Variants in NTN1 observed in about 807,000 individuals in gnomAD.
The protein encoded by NTN1 is netrin 1.
Under a neutral mutation model 54.2 loss-of-function variants are expected in NTN1, and 11 were observed. The ratio of observed to expected loss-of-function variants is 0.20; its 90% CI spans 0.13 to 0.34. The LOEUF (loss-of-function observed/expected upper bound fraction) is 0.34, where lower values mean the gene tolerates loss of function less well. NTN1 is among the 10% of genes least tolerant of loss of function. The pLI, the probability that NTN1 is intolerant of heterozygous loss-of-function variation, is 1.00. For synonymous variants in NTN1, 371 were observed against 382.0 expected (o/e 0.97, Z 0.33); for missense variants, 740 against 893.1 (o/e 0.83, Z 2.18).
At chr17:9,029,247 T>G (rs537319656) in intron 2 of NTN1, among the ~76,000 whole-genome samples, 258 of 152,300 alleles carry the variant, frequency 1.7e-3, no homozygotes, top group Middle Eastern at 3.4e-3. Flanking sequence ...TTGTCCTAGG[T>G]GCTTTATATG....
intron 6 of NTN1, among the ~76,000 whole-genome samples, chr17:9,228,820 C>CTGTGTGTGTGTGTGTGTGTGTG (rs10641432): frequency 7.1e-6 from 1 of 141,310 alleles, no homozygotes; most frequent in African/African-American, 2.7e-5. Flanking sequence ...ATCTGTTCAG[C>CTGTGTGTGTGTGTGTGTGTGTG]TGTGTGTGTG....
chr17:9,224,211 C>T (rs902122435), intron 6 of NTN1, among the ~76,000 whole-genome samples: 12 of 152,134 alleles, frequency 7.9e-5, no homozygotes, highest in Non-Finnish European at 1.6e-4. Flanking sequence ...CAGGGGGCAC[C>T]TTGGCCCCTC....
chr17:9,209,425 C>G (rs1418569582), intron 5 of NTN1, among the ~76,000 whole-genome samples: 1 of 152,230 alleles, frequency 6.6e-6, no homozygotes, highest in Non-Finnish European at 1.5e-5. Flanking sequence ...CAGAGCGGAC[C>G]TGTCAGACTC....
At chr17:9,113,028 A>ATT (rs370674364) in intron 2 of NTN1, among the ~76,000 whole-genome samples, 12 of 143,408 alleles carry the variant, frequency 8.4e-5, no homozygotes, top group Non-Finnish European at 1.8e-4. Context: ...AATTTTTTTT[A>ATT]TTTTTATTTT....
chr17:9,100,416 G>T, intron 2 of NTN1, among the ~76,000 whole-genome samples: 1 of 152,092 alleles, frequency 6.6e-6, no homozygotes, highest in East Asian at 1.9e-4. Context: ...TTCTGCCTCA[G>T]CCTTCCGAGT....
intron 2 of NTN1, among the ~76,000 whole-genome samples, chr17:9,063,350 G>A (rs563143992): frequency 1.3e-5 from 2 of 152,152 alleles, no homozygotes; most frequent in African/African-American, 4.8e-5. Flanking sequence ...CACCCACCTC[G>A]GCCTCCCAAA....
At chr17:9,014,145 G>C in the NTN1 span, among the ~76,000 whole-genome samples, 1 of 152,120 alleles carries the variant, frequency 6.6e-6, no homozygotes, top group Non-Finnish European at 1.5e-5. Context: ...CTCCAGGAAC[G>C]CTTCCCACTA....
intron 3 of NTN1, chr17:9,177,840 C>T (rs781594121): frequency 6.6e-6 from 1 of 152,240 alleles, no homozygotes; most frequent in South Asian, 2.1e-4. Context: ...TCGAGAGAGA[C>T]AAACAACAGA....
chr17:9,040,601 A>G (rs1205407462), intron 2 of NTN1, among the ~76,000 whole-genome samples: 7 of 152,230 alleles, frequency 4.6e-5, no homozygotes, highest in African/African-American at 1.7e-4. Flanking sequence ...GTCTTACTGC[A>G]TTGGATAGAA....
At chr17:9,196,679 C>G (rs1027424231) in intron 5 of NTN1, among the ~76,000 whole-genome samples, 1 of 152,228 alleles carries the variant, frequency 6.6e-6, no homozygotes, top group Non-Finnish European at 1.5e-5. Context: ...CCTCCCCATT[C>G]CCCCCTCCAG....
At chr17:9,118,246 G>A (rs532496967) in intron 2 of NTN1, among the ~76,000 whole-genome samples, 250 of 152,288 alleles carry the variant, frequency 1.6e-3, no homozygotes, top group African/African-American at 5.3e-3. Context: ...CAGGCCGGGC[G>A]CGGTGGCTCA....
intron 2 of NTN1, among the ~76,000 whole-genome samples, chr17:9,121,448 C>T (rs1017671861): frequency 3.3e-5 from 5 of 152,122 alleles, no homozygotes; most frequent in East Asian, 1.9e-4. Context: ...CGTGCTTCCC[C>T]GGTGATTTTT....
At chr17:9,059,469 G>A (rs1325875617) in intron 2 of NTN1, among the ~76,000 whole-genome samples, 2 of 152,180 alleles carry the variant, frequency 1.3e-5, no homozygotes, top group Admixed American at 6.5e-5. Flanking sequence ...TCCACCCTAC[G>A]TAATATCACT....
chr17:9,164,023 G>T (rs2092366887), intron 3 of NTN1, among the ~76,000 whole-genome samples: 1 of 152,278 alleles, frequency 6.6e-6, no homozygotes, highest in African/African-American at 2.4e-5. Context: ...CGTCCTGCAG[G>T]AGAGAAACCC....
chr17:9,086,554 G>A (rs900424437), intron 2 of NTN1, among the ~76,000 whole-genome samples: 5 of 152,120 alleles, frequency 3.3e-5, no homozygotes, highest in African/African-American at 1.2e-4. Flanking sequence ...GGAAGCAGGA[G>A]GAAGAGGTAC....
At chr17:9,199,955 G>A (rs923307635) in intron 5 of NTN1, among the ~76,000 whole-genome samples, 2 of 152,260 alleles carry the variant, frequency 1.3e-5, no homozygotes, top group African/African-American at 4.8e-5. Flanking sequence ...CCCAGGGTGT[G>A]CATTCTGCCC....
intron 4 of NTN1, 127 bp from the exon 5 acceptor site, chr17:9,182,789 G>C: frequency 1.1e-6 from 1 of 937,216 alleles, no homozygotes; most frequent in Non-Finnish European, 1.7e-6. Context: ...CCAAGGAGTG[G>C]GAAACGGAGG....
chr17:9,162,741 CT>C, intron 2 of NTN1, 71 bp from the exon 3 acceptor site: 1 of 1,452,910 alleles, frequency 6.9e-7, no homozygotes. Context: ...GGTGGGGTTT[CT>C]TTTGACGCTC....
At chr17:9,177,087 C>T (rs567539056) in intron 3 of NTN1, 4 of 152,562 alleles carry the variant, frequency 2.6e-5, no homozygotes, top group African/African-American at 9.6e-5. Context: ...TGGGGAAACA[C>T]AAGTCAGCCC....
Sources: gnomAD v4.1 joint callset for allele counts (sites outside exome capture counted in the v4.1 genomes callset) on GRCh38, gnomAD v4.1.1 for gene constraint, MANE v1.5 for transcripts, NCBI Gene and HGNC (gene_info 2026-07-23, HGNC 2026-07-21) for gene names.